WDR72: variants seen among roughly 807,000 people sequenced by gnomAD.
WDR72 encodes the protein WD repeat domain 72.
In WDR72, 120 loss-of-function variants were observed where a neutral mutation model predicts 124.2. The observed-to-expected ratio is 0.97, with a 90% CI of 0.83 to 1.12. The LOEUF (loss-of-function observed/expected upper bound fraction) is 1.12. Among genes scored for constraint, WDR72 ranks in the 50% most tolerant of loss-of-function variants. The pLI is 0.00. For missense variants in WDR72, 1,387 were observed against 1,278.8 expected (o/e 1.08, Z -1.29); for synonymous variants, 452 against 441.7 (o/e 1.02, Z -0.29).
intron 18 of WDR72, among the ~76,000 whole-genome samples, chr15:53,543,772 G>A (rs1330828676): frequency 1.3e-5 from 2 of 152,072 alleles, no homozygotes; most frequent in Non-Finnish European, 2.9e-5. Flanking sequence ...AAAAAAGAGA[G>A]AAGAATCTAA....
intron 14 of WDR72, among the ~76,000 whole-genome samples, chr15:53,662,228 C>T (rs2140445347): frequency 6.6e-6 from 1 of 152,192 alleles, no homozygotes; most frequent in East Asian, 1.9e-4. Flanking sequence ...CCTTTAAATC[C>T]TTTATGACTC....
In WDR72 at chr15:53,589,154, C is replaced by T. The variant is rs1351866518; in HGVS notation, c.3148+7925G>A. On this transcript the variant is annotated intron_variant, in intron 18 of 19. Coordinates refer to ENST00000360509, the MANE Select transcript of WDR72 (RefSeq NM_182758.4). ...AAGTGAGCAGTCAAGAGTGAAATAACTATCACTAACAGAGTCTTCTGGGGG... is the reference window on the plus strand; with the variant it reads ...AAGTGAGCAGTCAAGAGTGAAATAATTATCACTAACAGAGTCTTCTGGGGG... Among the ~76,000 whole-genome samples the T allele has an allele frequency of 1.3e-5, 2 of 151,882 alleles. 1 individual carries two copies. The highest frequency in any genetic ancestry group is 4.8e-5 in the African/African-American group (2 of 41,396).
chr15:53,587,735 C>A (rs2012291558), intron 18 of WDR72, among the ~76,000 whole-genome samples: 1 of 151,938 alleles, frequency 6.6e-6, no homozygotes, highest in Non-Finnish European at 1.5e-5. Flanking sequence ...TTTATATAGA[C>A]CATGTTCTTA....
At chr15:53,543,998 C>A (rs545899704) in intron 18 of WDR72, among the ~76,000 whole-genome samples, 65 of 151,586 alleles carry the variant, frequency 4.3e-4, no homozygotes, top group African/African-American at 1.4e-3. Context: ...ATAACAGGAG[C>A]TGAAATTGTG....
At chr15:53,611,034 A>G (rs1251917733) in intron 16 of WDR72, among the ~76,000 whole-genome samples, 1 of 152,144 alleles carries the variant, frequency 6.6e-6, no homozygotes, top group Admixed American at 6.6e-5. Context: ...CAGTGAGTTA[A>G]AGAATTAATT....
intron 3 of WDR72, among the ~76,000 whole-genome samples, chr15:53,720,063 G>T (rs28628783): frequency 6.6e-6 from 1 of 151,816 alleles, no homozygotes; most frequent in Non-Finnish European, 1.5e-5. Flanking sequence ...ATTTTATTCA[G>T]ATTTATTCTA....
At chr15:53,657,012 C>A (rs2015443346) in intron 14 of WDR72, among the ~76,000 whole-genome samples, 1 of 151,834 alleles carries the variant, frequency 6.6e-6, no homozygotes. Flanking sequence ...TGCCTGTAAT[C>A]CCAGCACTTT....
intron 18 of WDR72, among the ~76,000 whole-genome samples, chr15:53,529,100 C>G (rs1021258055): frequency 9.6e-5 from 14 of 145,904 alleles, no homozygotes; most frequent in Admixed American, 2.1e-4. Context: ...GAAACCCTGT[C>G]TGACTTATTT....
Position 53,665,636 on chromosome 15 carries a change from G to A in WDR72, c.1898C>T (p.Ser633Phe). ...TLKHKSIEQR[S>F]SSPYQLGPLP... ...TGGCCCAAGCTGGTAGGGGCTGGAG[G>A]ATCTCTGTTCTATACTTTTGTGCTT... is the stretch of plus-strand genomic sequence containing the variant. Residue 633 changes from serine to phenylalanine, a missense_variant, in exon 14 of 20, where the codon TCC becomes TTC. Physicochemically the swap from Ser to Phe is radical, Grantham distance 155. Coordinates refer to ENST00000360509, the MANE Select transcript of WDR72 (RefSeq NM_182758.4). 1 of 1,613,900 alleles carries A rather than the reference G, an allele frequency of 6.2e-7. No individual in the cohort carries two copies. Among genetic ancestry groups the A allele is most frequent in the Non-Finnish European group, 8.5e-7 (1 of 1,179,864 alleles).
chr15:53,675,671 G>A (rs753729991), intron 13 of WDR72, among the ~76,000 whole-genome samples: 1 of 152,090 alleles, frequency 6.6e-6, no homozygotes, highest in South Asian at 2.1e-4. Context: ...TACTTATTGG[G>A]TATAATATCC....
chr15:53,538,518 T>C (rs1300688874), intron 18 of WDR72, among the ~76,000 whole-genome samples: 1 of 152,178 alleles, frequency 6.6e-6, no homozygotes, highest in Non-Finnish European at 1.5e-5. Flanking sequence ...TTATTAACAT[T>C]CTTCTTTTTC....
chr15:53,680,027 A>C (rs1224235349), intron 13 of WDR72, among the ~76,000 whole-genome samples: 1 of 151,876 alleles, frequency 6.6e-6, no homozygotes, highest in Non-Finnish European at 1.5e-5. Context: ...ATGTTGCTTT[A>C]CTACAAACTA....
At chr15:53,616,307 T>C (rs757677662) in intron 14 of WDR72, 64 bp from the exon 15 acceptor site, 1 of 1,402,964 alleles carries the variant, frequency 7.1e-7, no homozygotes, top group Non-Finnish European at 9.9e-7. Flanking sequence ...GATTCCATGA[T>C]GTTAAAGTGG....
intron 5 of WDR72, 34 bp from the exon 6 acceptor site, chr15:53,714,544 C>T (rs753489996): frequency 2.0e-6 from 3 of 1,526,574 alleles, no homozygotes; most frequent in Middle Eastern, 1.7e-4. Context: ...TATAAGCTTA[C>T]CATGGATATA....
chr15:53,651,360 T>G (rs1181989015), intron 14 of WDR72, among the ~76,000 whole-genome samples: 1 of 152,238 alleles, frequency 6.6e-6, no homozygotes, highest in East Asian at 1.9e-4. Flanking sequence ...AGAGCCTTTA[T>G]CATTATCTGA....
chr15:53,702,407 T>G, intron 11 of WDR72, 53 bp from the exon 12 acceptor site: 2 of 1,443,504 alleles, frequency 1.4e-6, no homozygotes, highest in Middle Eastern at 1.8e-4. Flanking sequence ...GTTCAGAAAA[T>G]CGTCCCAAGA....
chr15:53,549,859 T>C (rs566217259), intron 18 of WDR72, among the ~76,000 whole-genome samples: 4 of 152,254 alleles, frequency 2.6e-5, no homozygotes, highest in African/African-American at 9.6e-5. Context: ...ATAATACATA[T>C]CCAAATTCAG....
intron 13 of WDR72, among the ~76,000 whole-genome samples, chr15:53,682,048 A>G (rs1437502636): frequency 2.0e-5 from 3 of 152,200 alleles, no homozygotes; most frequent in Non-Finnish European, 4.4e-5. Context: ...TGGGGGAAAA[A>G]TTACATGTGC....
chr15:53,623,987 T>G (rs2014109547), intron 14 of WDR72, among the ~76,000 whole-genome samples: 1 of 152,198 alleles, frequency 6.6e-6, no homozygotes, highest in South Asian at 2.1e-4. Context: ...ATGTCTTCTT[T>G]TGAGAAGTGT....
Sources: allele counts gnomAD v4.1 joint callset (sites outside exome capture counted in the v4.1 genomes callset), GRCh38; gene constraint gnomAD v4.1.1; transcripts MANE v1.5; gene names NCBI Gene and HGNC (gene_info 2026-07-23, HGNC 2026-07-21).